Variants in TTC23 observed in about 807,000 individuals in gnomAD.
The protein encoded by TTC23 is tetratricopeptide repeat protein 23.
Under a neutral mutation model 55.1 loss-of-function variants are expected in TTC23, and 58 were observed. That is an observed-to-expected ratio of 1.05 (90% CI 0.85 to 1.31). The LOEUF is 1.31. TTC23 is among the 50% of genes most tolerant of loss of function. TTC23 has a pLI of 0.00. For missense variants in TTC23, 516 were observed against 534.4 expected, an observed-to-expected ratio of 0.97 and a Z score of 0.34; for synonymous variants, 203 against 199.9, an observed-to-expected ratio of 1.02 and a Z score of -0.13.
At chr15:99,178,767 A>G (rs768106654) in intron 9 of TTC23, among the ~76,000 whole-genome samples, 9 of 152,356 alleles carry the variant, frequency 5.9e-5, no homozygotes, top group Non-Finnish European at 2.9e-5. Flanking sequence ...GGCAGGAAAG[A>G]GATGGCACAT....
At chr15:99,219,074 AG>A in intron 6 of TTC23, 26 bp from the exon 7 acceptor site, 1 of 1,611,694 alleles carries the variant, frequency 6.2e-7, no homozygotes, top group Non-Finnish European at 8.5e-7. Context: ...AAGAGGTCTC[AG>A]TTTCTCTATC....
At chr15:99,194,072 T>C (rs1414072146) in intron 9 of TTC23, among the ~76,000 whole-genome samples, 1 of 152,062 alleles carries the variant, frequency 6.6e-6, no homozygotes, top group African/African-American at 2.4e-5. Context: ...TAGGAACTCA[T>C]AGCTGAGACG....
upstream of TTC23, chr15:99,251,060 T>C (rs972972517): frequency 1.9e-5 from 1 of 52,164 alleles, no homozygotes; most frequent in Non-Finnish European, 3.7e-5. Flanking sequence ...CCTCAACGTG[T>C]GCTCTGAATG....
chr15:99,154,411 G>A (rs1555498317), intron 12 of TTC23, among the ~76,000 whole-genome samples: 2 of 152,142 alleles, frequency 1.3e-5, no homozygotes, highest in African/African-American at 4.8e-5. Flanking sequence ...AATGAGAGTG[G>A]ATTAGGCCAT....
chr15:99,189,616 T>C (rs1260558502), intron 9 of TTC23, among the ~76,000 whole-genome samples: 3 of 152,180 alleles, frequency 2.0e-5, no homozygotes, highest in Non-Finnish European at 4.4e-5. Context: ...TGTAGTATTC[T>C]AGCTCGGCAT....
intron 9 of TTC23, among the ~76,000 whole-genome samples, chr15:99,192,040 T>C (rs1162797586): frequency 6.6e-6 from 1 of 152,162 alleles, no homozygotes; most frequent in Admixed American, 6.5e-5. Flanking sequence ...TCCTAGAGAT[T>C]TGTGGAACTT....
At chr15:99,218,465 A>C in intron 8 of TTC23, 123 bp downstream of exon 8, 3 of 1,277,210 alleles carry the variant, frequency 2.3e-6, no homozygotes, top group Non-Finnish European at 1.1e-6. Flanking sequence ...TTACTTTTAC[A>C]CAGTGACCTC....
chr15:99,188,280 T>C (rs1178124564), intron 9 of TTC23, among the ~76,000 whole-genome samples: 1 of 152,022 alleles, frequency 6.6e-6, no homozygotes, highest in Non-Finnish European at 1.5e-5. Context: ...ATATGGAATG[T>C]CTAGAATAGA....
intron 9 of TTC23, among the ~76,000 whole-genome samples, chr15:99,186,010 T>A (rs984450302): frequency 6.6e-6 from 1 of 152,236 alleles, no homozygotes; most frequent in Non-Finnish European, 1.5e-5. Context: ...ACAAAACCTC[T>A]TTGTGTATAC....
At chr15:99,144,965 C>T (rs1437271454) in intron 12 of TTC23, 4 of 152,210 alleles carry the variant, frequency 2.6e-5, no homozygotes, top group South Asian at 2.1e-4. Context: ...AGCCTTACTA[C>T]GTGGAAGCGT....
chr15:99,210,068 T>A (rs999789084), intron 8 of TTC23, among the ~76,000 whole-genome samples: 1 of 152,156 alleles, frequency 6.6e-6, no homozygotes, highest in East Asian at 1.9e-4. Flanking sequence ...TTATTTGATA[T>A]ATATTATTAT....
intron 12 of TTC23, among the ~76,000 whole-genome samples, chr15:99,146,180 T>C (rs1487341783): frequency 3.9e-5 from 6 of 152,254 alleles, no homozygotes; most frequent in African/African-American, 1.4e-4. Context: ...TGGCAGGACT[T>C]GCTATTGAGA....
intron 8 of TTC23, among the ~76,000 whole-genome samples, chr15:99,216,842 T>C (rs2077510743): frequency 6.6e-6 from 1 of 152,156 alleles, no homozygotes; most frequent in South Asian, 2.1e-4. Context: ...GTACCACCCC[T>C]GGAATATAAA....
intron 10 of TTC23, among the ~76,000 whole-genome samples, chr15:99,165,500 T>C (rs2071950186): frequency 1.3e-5 from 2 of 152,250 alleles, no homozygotes; most frequent in African/African-American, 4.8e-5. Flanking sequence ...ATTTACTCCA[T>C]GTAGATTCCA....
At chr15:99,182,246 TCTCA>T (rs1158695653) in intron 9 of TTC23, among the ~76,000 whole-genome samples, 2,348 of 112,588 alleles carry the variant, frequency 0.021, 28 homozygotes, top group African/African-American at 0.052. Context: ...TCTCTCTCTC[TCTCA>T]CACACACACA....
In TTC23 at chr15:99,218,998, C is replaced by A; in HGVS notation, c.355G>T (p.Ala119Ser). 1 of 1,614,092 alleles carries A rather than the reference C, an allele frequency of 6.2e-7. No homozygotes were observed. The highest frequency in any genetic ancestry group is 1.1e-5 in the South Asian group (1 of 91,070). Residue 119 changes from alanine to serine, a missense_variant, in exon 7 of 14, where the codon GCC becomes TCC. Physicochemically the swap from Ala to Ser is moderately conservative, Grantham distance 99 (BLOSUM62 1). Coordinates refer to ENST00000394132, the MANE Select transcript of TTC23 (RefSeq NM_001288615.3). Reference protein sequence around the residue: ...QHAEKARQILANSIVPPYSEN... With the variant: ...QHAEKARQILSNSIVPPYSEN... Reference sequence around the variant, plus strand: ...CTATAGGGAGGCACAATGGAGTTGGCGAGGATTTGTCTGGCTTTTTCTGCA... The same window carrying A: ...CTATAGGGAGGCACAATGGAGTTGGAGAGGATTTGTCTGGCTTTTTCTGCA...
chr15:99,160,674 T>A (rs8023490), intron 11 of TTC23: 60,271 of 151,906 alleles, frequency 0.4, 12,253 homozygotes, highest in Middle Eastern at 0.54. Context: ...TATGTATGTA[T>A]GTATGGTTTT....
At chr15:99,241,650 G>C (rs186650386) in intron 2 of TTC23, 91 bp from the exon 3 acceptor site, 46 of 152,490 alleles carry the variant, frequency 3.0e-4, no homozygotes, top group African/African-American at 1.1e-3. Context: ...CTTCCAAGTG[G>C]TGATGTTCAA....
intron 12 of TTC23, among the ~76,000 whole-genome samples, chr15:99,141,249 A>G (rs2068201051): frequency 6.6e-6 from 1 of 151,888 alleles, no homozygotes. Context: ...TGATATATGT[A>G]TGTGTATATA....
Sources: gnomAD v4.1 joint callset for allele counts (sites outside exome capture counted in the v4.1 genomes callset) on GRCh38, gnomAD v4.1.1 for gene constraint, MANE v1.5 for transcripts, NCBI Gene and HGNC (gene_info 2026-07-23, HGNC 2026-07-21) for gene names.